The following BBX variants were observed in gnomAD, a reference collection of about 807,000 sequenced individuals.
BBX encodes BBX high mobility group box domain containing.
A neutral mutation model predicts 100.2 loss-of-function variants in BBX; 30 were observed. The ratio of observed to expected loss-of-function variants is 0.30; its 90% confidence interval spans 0.22 to 0.41. BBX has a LOEUF of 0.41. Among genes scored for constraint, BBX ranks in the 10% least tolerant of loss-of-function variants. BBX has a pLI of 1.00. For missense variants in BBX, 1,023 were observed against 1,129.8 expected, an observed-to-expected ratio of 0.91 and a Z score of 1.35; for synonymous variants, 376 against 388.1, an observed-to-expected ratio of 0.97 and a Z score of 0.37.
At chr3:107,684,506 C>G (rs2059734197) in intron 3 of BBX, 1 of 152,106 alleles carries the variant, frequency 6.6e-6, no homozygotes, top group Admixed American at 6.6e-5. Flanking sequence ...CCCAGGTAGT[C>G]AAATGGATGC....
intron 3 of BBX, among the ~76,000 whole-genome samples, chr3:107,704,515 A>C (rs1411325170): frequency 6.6e-6 from 1 of 152,244 alleles, no homozygotes; most frequent in South Asian, 2.1e-4. Context: ...GGAGGCTGGG[A>C]ATTACAAGAG....
chr3:107,799,145 G>A (rs1455941290), intron 16 of BBX, among the ~76,000 whole-genome samples: 2 of 150,802 alleles, frequency 1.3e-5, no homozygotes, highest in South Asian at 2.1e-4. Context: ...GTGAGACTCT[G>A]TCTCAAAAAA....
chr3:107,551,088 T>C (rs1039082332), intron 2 of BBX, among the ~76,000 whole-genome samples: 5 of 152,200 alleles, frequency 3.3e-5, no homozygotes, highest in Non-Finnish European at 7.4e-5. Flanking sequence ...AAAAAAATGT[T>C]AAATAAAGTT....
intron 2 of BBX, among the ~76,000 whole-genome samples, chr3:107,552,450 G>A (rs550505668): frequency 6.6e-6 from 1 of 150,620 alleles, no homozygotes; most frequent in East Asian, 1.9e-4. Flanking sequence ...TGTATTCAAA[G>A]GTAAACTCTT....
At chr3:107,569,450 CG>C (rs2051178230) in intron 2 of BBX, among the ~76,000 whole-genome samples, 1 of 151,262 alleles carries the variant, frequency 6.6e-6, no homozygotes, top group Non-Finnish European at 1.5e-5. Context: ...TGGGTGCAGG[CG>C]GGCTGAGTCC....
Position 107,766,096 on chromosome 3 carries a change from G to A in BBX, c.907-6532G>A, listed in dbSNP as rs187859867. The stretch of plus-strand genomic sequence containing the variant: ...AGTCAAACGTATACTTTTGACGTAA[G>A]GAAGAGTGAGTTTAAAAAAATTAAG... On this transcript the variant is annotated intron_variant, in intron 10 of 17. Transcript: ENST00000325805. Among the ~76,000 whole-genome samples, 690 of 152,228 alleles carry A rather than the reference G, an allele frequency of 4.5e-3. 2 individuals carry two copies. Among genetic ancestry groups the A allele is most frequent in the Non-Finnish European group, 5.7e-3 (390 of 68,016 alleles).
intron 2 of BBX, among the ~76,000 whole-genome samples, chr3:107,614,527 T>G (rs141338531): frequency 0.01 from 1,590 of 152,232 alleles, 32 homozygotes; most frequent in African/African-American, 0.036. Context: ...TTCTTCCTTC[T>G]TCTCTGTGAA....
At chr3:107,683,849 G>A (rs879683350) in intron 3 of BBX, among the ~76,000 whole-genome samples, 1 of 152,158 alleles carries the variant, frequency 6.6e-6, no homozygotes, top group Non-Finnish European at 1.5e-5. Flanking sequence ...GCATGCATGT[G>A]CCTGCACATG....
intron 8 of BBX, among the ~76,000 whole-genome samples, chr3:107,745,130 A>G (rs2064465286): frequency 6.6e-6 from 1 of 152,102 alleles, no homozygotes; most frequent in Non-Finnish European, 1.5e-5. Flanking sequence ...TTTCATCTTA[A>G]TTGAAACTTT....
chr3:107,639,676 T>C (rs912412818), intron 2 of BBX, among the ~76,000 whole-genome samples: 3 of 152,148 alleles, frequency 2.0e-5, no homozygotes, highest in South Asian at 2.1e-4. Flanking sequence ...TCTCCACTTA[T>C]GGAAACTGTA....
chr3:107,687,773 G>A (rs958061945), intron 3 of BBX, among the ~76,000 whole-genome samples: 1 of 152,136 alleles, frequency 6.6e-6, no homozygotes, highest in Non-Finnish European at 1.5e-5. Context: ...GTACAAAATG[G>A]TCCGGGCACG....
At chr3:107,724,937 C>A (rs1162178393) in intron 5 of BBX, among the ~76,000 whole-genome samples, 1 of 152,174 alleles carries the variant, frequency 6.6e-6, no homozygotes, top group East Asian at 1.9e-4. Context: ...TTTTCCAATT[C>A]TGTGAAGAAA....
At chr3:107,549,076 C>T (rs932724187) in intron 2 of BBX, among the ~76,000 whole-genome samples, 5 of 152,156 alleles carry the variant, frequency 3.3e-5, no homozygotes, top group Non-Finnish European at 4.4e-5. Context: ...ATCCGTATCT[C>T]AAACCTCAGC....
At chr3:107,803,012 T>C (rs2070692620) in intron 17 of BBX, among the ~76,000 whole-genome samples, 1 of 152,240 alleles carries the variant, frequency 6.6e-6, no homozygotes, top group Admixed American at 6.5e-5. Context: ...TCGATACTTC[T>C]GTCTACTTTC....
chr3:107,719,718 T>C lies in BBX; in HGVS notation c.405+2869T>C, dbSNP rs572935271. On this transcript the variant is annotated intron_variant, in intron 5 of 17. Transcript: ENST00000325805. ...ATTCAGTAATGTACATGATGTGCAA[T>C]GTTGTGGATGTTCACAGGTTCTAAT... is the stretch of plus-strand genomic sequence containing the variant. Among the ~76,000 whole-genome samples the C allele has an allele frequency of 2.0e-5, 3 of 152,156 alleles. No individual in the cohort carries two copies. In the East Asian group the frequency reaches 5.8e-4, roughly 29 times the overall value.
chr3:107,666,040 T>A (rs1212065244), intron 3 of BBX, among the ~76,000 whole-genome samples: 2 of 152,196 alleles, frequency 1.3e-5, no homozygotes, highest in South Asian at 4.1e-4. Context: ...TAAACCACTT[T>A]CAAGGAGTTA....
chr3:107,801,108 G>A lies in BBX; in HGVS notation c.2565G>A (p.Lys855=), dbSNP rs2070409438. The change falls in exon 17 of 18, where the codon AAG becomes AAA. Residue 855 remains lysine (K), a synonymous_variant. Transcript: ENST00000325805. Reference sequence around the variant, plus strand: ...CTTTTGTTACAGATGACAAACCAAAGGAACAACTGCAGAGGAGTCTCCCTA... The same window carrying A: ...CTTTTGTTACAGATGACAAACCAAAAGAACAACTGCAGAGGAGTCTCCCTA... ...PAGGTLDDKP[K]EQLQRSLPKA... The A allele has an allele frequency of 6.2e-7, 1 of 1,613,898 alleles. No individual in the cohort carries two copies. The highest frequency in any genetic ancestry group is 1.1e-5 in the South Asian group (1 of 91,076).
At chr3:107,652,209 C>A (rs185787190) in intron 3 of BBX, among the ~76,000 whole-genome samples, 1 of 151,464 alleles carries the variant, frequency 6.6e-6, no homozygotes, top group Admixed American at 6.6e-5. Flanking sequence ...CTTTTTTGGA[C>A]GATTTTTGTC....
rs1002178285 is a variant in BBX at position 107,805,442 on chromosome 3, C to T, written c.2811C>T (p.Ser937=). ...KEMPQAPVLI[S]CADQ is the part of the protein sequence containing the mutation. ...TGCCGCAGGCTCCTGTACTTATTTCCTGCGCTGACCAGTGAAGCGCCCTTT... is the reference window on the plus strand; with the variant it reads ...TGCCGCAGGCTCCTGTACTTATTTCTTGCGCTGACCAGTGAAGCGCCCTTT... Residue 937 remains serine, a synonymous_variant, in exon 18 of 18, where the codon TCC becomes TCT. Coordinates refer to ENST00000325805, the MANE Select transcript of BBX (RefSeq NM_001142568.3). 4 of 1,614,080 alleles carry T rather than the reference C, an allele frequency of 2.5e-6. No homozygotes were observed. The African/African-American group carries it at 4.0e-5, about 16-fold the overall frequency.
Sources: gnomAD v4.1 joint callset for allele counts (sites outside exome capture counted in the v4.1 genomes callset) on GRCh38, gnomAD v4.1.1 for gene constraint, MANE v1.5 for transcripts, NCBI Gene and HGNC (gene_info 2026-07-23, HGNC 2026-07-21) for gene names.